GINS1: variants seen among roughly 807,000 people sequenced by gnomAD.
GINS1 encodes the protein DNA replication complex GINS protein PSF1.
In GINS1, 26 loss-of-function variants were observed where a neutral mutation model predicts 34.9. The observed-to-expected ratio is 0.74, with a 90% CI of 0.55 to 1.03. GINS1 has a LOEUF of 1.03. Ranked by LOEUF, GINS1 falls within the 50% of genes least tolerant of loss-of-function variation. GINS1 has a pLI of 0.00. For synonymous variants in GINS1, 97 were observed against 84.4 expected (o/e 1.15, Z -0.82); for missense variants, 235 against 237.9 (o/e 0.99, Z 0.08).
chr20:25,417,822 C>T (rs902757573), intron 3 of GINS1, among the ~76,000 whole-genome samples: 1 of 152,054 alleles, frequency 6.6e-6, no homozygotes, highest in African/African-American at 2.4e-5. Context: ...CCATTGCACT[C>T]CAGGCTGGGT....
At chr20:25,429,319 A>G (rs760303864) in intron 5 of GINS1, among the ~76,000 whole-genome samples, 8 of 152,000 alleles carry the variant, frequency 5.3e-5, no homozygotes, top group Non-Finnish European at 1.2e-4. Flanking sequence ...TGTTTTCACT[A>G]TTTGAGATTT....
chr20:25,440,068 C>T (rs1382647412), intron 5 of GINS1, among the ~76,000 whole-genome samples: 1 of 151,944 alleles, frequency 6.6e-6, no homozygotes, highest in Non-Finnish European at 1.5e-5. Flanking sequence ...GAGTCTCATT[C>T]TGTCACCCAG....
chr20:25,440,866 G>A (rs989136292), intron 5 of GINS1, among the ~76,000 whole-genome samples: 3 of 151,768 alleles, frequency 2.0e-5, no homozygotes, highest in African/African-American at 7.3e-5. Context: ...AGGACTCAGG[G>A]GATTTTTCTG....
At chr20:25,418,346 A>G (rs1173456968) in intron 4 of GINS1, 151 bp downstream of exon 4, 6 of 617,766 alleles carry the variant, frequency 9.7e-6, no homozygotes, top group South Asian at 1.9e-5. Context: ...TGTGAGGGGA[A>G]CTATGTGGTG....
At chr20:25,426,478 C>T (rs756106758) in intron 5 of GINS1, among the ~76,000 whole-genome samples, 5 of 151,976 alleles carry the variant, frequency 3.3e-5, no homozygotes, top group Admixed American at 6.6e-5. Context: ...TCGCTAGAAC[C>T]GGGGAGAAGG....
intron 6 of GINS1, among the ~76,000 whole-genome samples, chr20:25,445,377 C>T (rs1427437372): frequency 1.4e-5 from 2 of 147,162 alleles, no homozygotes; most frequent in Non-Finnish European, 1.5e-5. Context: ...GACAGAGTCT[C>T]ACTCTGTTGC....
chr20:25,407,855 AGCTGCATC>A lies in GINS1; in HGVS notation c.38_45del (p.Leu13ArgfsTer26). ...GAAAAAGCCATGGAACTGATCCGCG[AGCTGCATC>A]GCGCGCCCGAAGGGCAACTGCCTGC... On this transcript the variant is annotated frameshift_variant, in exon 1 of 7. Coordinates refer to ENST00000262460, the MANE Select transcript of GINS1 (RefSeq NM_021067.5). LOFTEE classifies it high-confidence loss of function. 1.2e-6 allele frequency: 2 copies of A among 1,613,958 alleles called. No homozygotes were observed. Among genetic ancestry groups the A allele is most frequent in the South Asian group, 2.2e-5 (2 of 91,082 alleles).
chr20:25,420,797 G>T, intron 4 of GINS1: 8 of 707,800 alleles, frequency 1.1e-5, no homozygotes, highest in South Asian at 6.5e-5. Flanking sequence ...AAAAAAAAAA[G>T]AAAAAAAGAA....
intron 1 of GINS1, chr20:25,411,301 T>C (rs1462109495): frequency 1.3e-5 from 2 of 152,176 alleles, no homozygotes; most frequent in Non-Finnish European, 2.9e-5. Context: ...GAAAATTACC[T>C]TGGGCTCAGG....
At chr20:25,414,147 A>G (rs1056974275) in intron 2 of GINS1, among the ~76,000 whole-genome samples, 3 of 132,412 alleles carry the variant, frequency 2.3e-5, no homozygotes, top group Non-Finnish European at 4.6e-5. Flanking sequence ...CTGAGATTGC[A>G]CCACTTCACT....
Position 25,441,688 on chromosome 20 carries a change from AT to A in GINS1, c.448-8del. 2 of 1,398,548 alleles carry A rather than the reference AT, an allele frequency of 1.4e-6. No homozygotes were observed. Among genetic ancestry groups the A allele is most frequent in the Non-Finnish European group, 2.0e-6 (2 of 1,000,778 alleles). 86.6% of individuals were successfully genotyped at this position (1,398,548 alleles called of 1,614,324 possible). A position where few individuals can be genotyped will look rare whatever the true frequency, so the allele number is the denominator to read the frequency against. ...AACTAATTTAGATAAAACATCTCTC[AT>A]TTTTTCTTTCAGGTCCGGTGTCTAA... On this transcript the variant is annotated splice_polypyrimidine_tract_variant and intron_variant, in intron 5 of 6. Transcript: ENST00000262460.
At chr20:25,435,780 AAAAAAAAAC>A (rs2090451271) in intron 5 of GINS1, among the ~76,000 whole-genome samples, 1 of 123,642 alleles carries the variant, frequency 8.1e-6, no homozygotes, top group African/African-American at 3.1e-5. Context: ...AAAAAAAAAA[AAAAAAAAAC>A]CAACTTTTTG....
intron 1 of GINS1, among the ~76,000 whole-genome samples, chr20:25,410,340 CAAA>C (rs951196192): frequency 7.8e-6 from 1 of 128,208 alleles, no homozygotes; most frequent in Non-Finnish European, 1.7e-5. Flanking sequence ...GACTCCGCCT[CAAA>C]AAAAAAAAAA....
chr20:25,438,232 C>T (rs962618735), intron 5 of GINS1, among the ~76,000 whole-genome samples: 3 of 152,162 alleles, frequency 2.0e-5, no homozygotes, highest in Middle Eastern at 3.4e-3. Flanking sequence ...TGCCATTTCC[C>T]ACTAAAGTAA....
At chr20:25,427,138 T>A (rs2090396040) in intron 5 of GINS1, among the ~76,000 whole-genome samples, 1 of 152,126 alleles carries the variant, frequency 6.6e-6, no homozygotes, top group South Asian at 2.1e-4. Flanking sequence ...TTTCTCCACA[T>A]CCTCACCAAC....
intron 6 of GINS1, among the ~76,000 whole-genome samples, chr20:25,442,330 A>ATCTGTCTGTCTG (rs1489137759): frequency 7.6e-6 from 1 of 131,368 alleles, no homozygotes; most frequent in African/African-American, 2.8e-5. Flanking sequence ...TTATCCATCT[A>ATCTGTCTGTCTG]TCTATCTATC....
Position 25,407,686 on chromosome 20 carries a change from G to C in GINS1, c.-135G>C, listed in dbSNP as rs894508816. The stretch of plus-strand genomic sequence containing the variant: ...TTGGCTAGCTTTGTTCGGCGCCAAA[G>C]CGCGGAGCGGAGGCCGAGGCGAGAG... On this transcript the variant is annotated 5_prime_UTR_variant, in exon 1 of 7. Transcript: ENST00000262460. 1.4e-6 allele frequency: 1 copy of C among 718,446 alleles called. No homozygotes were observed. The highest frequency in any genetic ancestry group is 2.4e-6 in the Non-Finnish European group (1 of 414,700). The allele number at this position is 718,446 out of a possible 1,614,324, so 44.5% of individuals were successfully genotyped here. A position where few individuals can be genotyped will look rare whatever the true frequency, so the allele number is the denominator to read the frequency against.
intron 1 of GINS1, 129 bp from the exon 2 acceptor site, chr20:25,413,661 T>G (rs1056666935): frequency 8.9e-5 from 58 of 655,008 alleles, no homozygotes; most frequent in Non-Finnish European, 1.4e-4. Context: ...ACCATGCTAG[T>G]GGGGTGTGAA....
At chr20:25,442,418 A>C (rs931611873) in intron 6 of GINS1, among the ~76,000 whole-genome samples, 2 of 151,954 alleles carry the variant, frequency 1.3e-5, no homozygotes, top group Admixed American at 6.6e-5. Context: ...GGGCCTTGCT[A>C]TGTTGACCAT....
Sources: allele counts gnomAD v4.1 joint callset (sites outside exome capture counted in the v4.1 genomes callset), GRCh38; gene constraint gnomAD v4.1.1; transcripts MANE v1.5; gene names NCBI Gene and HGNC (gene_info 2026-07-23, HGNC 2026-07-21).